Variants in PDE4D observed in about 807,000 individuals in gnomAD.
The protein encoded by PDE4D is phosphodiesterase 4D, also known as 3',5'-cyclic-AMP phosphodiesterase 4D.
A neutral mutation model predicts 87.4 loss-of-function variants in PDE4D; 24 were observed. That is an observed-to-expected ratio of 0.27 (90% CI 0.20 to 0.39). The LOEUF is 0.39. Among genes scored for constraint, PDE4D ranks in the 10% least tolerant of loss-of-function variants. PDE4D has a pLI of 1.00. For missense variants in PDE4D, 714 were observed against 1,041.0 expected, an observed-to-expected ratio of 0.69 and a Z score of 4.32; for synonymous variants, 384 against 383.2, an observed-to-expected ratio of 1.00 and a Z score of -0.02.
intron 1 of PDE4D, among the ~76,000 whole-genome samples, chr5:59,242,015 G>T (rs887564898): frequency 6.6e-6 from 1 of 151,360 alleles, no homozygotes; most frequent in Non-Finnish European, 1.5e-5. Flanking sequence ...CCAATATCTA[G>T]CATAATTCTC....
intron 12 of PDE4D, 88 bp from the exon 13 acceptor site, chr5:58,976,560 T>TA: frequency 9.5e-7 from 1 of 1,057,146 alleles, no homozygotes; most frequent in East Asian, 2.6e-5. Context: ...GAAAAAGGAA[T>TA]AAAACAACAC....
At chr5:59,440,653 C>G (rs958539331) in intron 1 of PDE4D, among the ~76,000 whole-genome samples, 2 of 152,084 alleles carry the variant, frequency 1.3e-5, no homozygotes, top group African/African-American at 4.8e-5. Flanking sequence ...GTGTATGCCT[C>G]TAATGCCAGC....
chr5:59,287,267 A>G (rs1247193217), intron 1 of PDE4D, among the ~76,000 whole-genome samples: 2 of 152,182 alleles, frequency 1.3e-5, no homozygotes, highest in East Asian at 3.9e-4. Context: ...CATCAGCAGT[A>G]GCCAGACAGT....
At chr5:59,935,074 T>C (rs756974217) in intron 3 of PDE4D, among the ~76,000 whole-genome samples, 1 of 152,106 alleles carries the variant, frequency 6.6e-6, no homozygotes, top group Admixed American at 6.6e-5. Flanking sequence ...TGAATTCTGG[T>C]TTTTGACATG....
intron 5 of PDE4D, chr5:59,091,127 T>C (rs1433237559): frequency 8.8e-6 from 4 of 453,988 alleles, no homozygotes; most frequent in Non-Finnish European, 1.8e-5. Flanking sequence ...TATAGAGCCC[T>C]GTCATTTGAA....
At chr5:59,266,727 G>A (rs1762919534) in intron 1 of PDE4D, among the ~76,000 whole-genome samples, 1 of 151,924 alleles carries the variant, frequency 6.6e-6, no homozygotes, top group Non-Finnish European at 1.5e-5. Flanking sequence ...ATTAAAAGAA[G>A]AAACTTGAAC....
intron 3 of PDE4D, among the ~76,000 whole-genome samples, chr5:59,962,509 C>T (rs541242762): frequency 8.6e-5 from 13 of 151,772 alleles, no homozygotes; most frequent in South Asian, 2.1e-4. Flanking sequence ...TGAAATCTTA[C>T]GCTCCTACAT....
chr5:59,310,765 T>C (rs950414735), intron 1 of PDE4D, among the ~76,000 whole-genome samples: 2 of 152,186 alleles, frequency 1.3e-5, no homozygotes, highest in African/African-American at 4.8e-5. Context: ...TTTAAATACT[T>C]GTTTTCCATG....
intron 1 of PDE4D, among the ~76,000 whole-genome samples, chr5:59,704,843 A>G (rs1753155811): frequency 6.6e-6 from 1 of 152,192 alleles, no homozygotes; most frequent in Non-Finnish European, 1.5e-5. Flanking sequence ...ACTTACATAC[A>G]AAATGGAAAA....
At position 59,077,582 on chromosome 5, in the gene PDE4D, A is replaced by G. The variant is rs79806266; in HGVS notation, c.809-38611T>C. Reference sequence around the variant, plus strand: ...CTCTCAGGTTCTAGGGATTCTCTGCATCAGCCCCCTGAGTAGCTGGGACTG... The same window carrying G: ...CTCTCAGGTTCTAGGGATTCTCTGCGTCAGCCCCCTGAGTAGCTGGGACTG... On this transcript the variant is annotated intron_variant, in intron 5 of 14. Transcript: ENST00000340635. Among the ~76,000 whole-genome samples the G allele has an allele frequency of 6.2e-3, 940 of 150,612 alleles. 10 individuals are homozygous for G. Among genetic ancestry groups the G allele is most frequent in the African/African-American group, 0.022 (890 of 40,992 alleles).
intron 5 of PDE4D, among the ~76,000 whole-genome samples, chr5:59,152,737 T>C (rs1045150680): frequency 2.6e-5 from 4 of 152,182 alleles, no homozygotes; most frequent in African/African-American, 9.7e-5. Flanking sequence ...CCCCTAGTGT[T>C]CTTGGTGGTG....
chr5:60,109,824 A>G (rs1399052974), intron 2 of PDE4D, among the ~76,000 whole-genome samples: 1 of 151,608 alleles, frequency 6.6e-6, no homozygotes, highest in African/African-American at 2.4e-5. Context: ...GAACACATGG[A>G]CACAGGAAGG....
intron 1 of PDE4D, among the ~76,000 whole-genome samples, chr5:59,663,509 TTTTC>T (rs757987971): frequency 8.5e-4 from 130 of 152,270 alleles, no homozygotes; most frequent in Non-Finnish European, 1.6e-3. Flanking sequence ...AATTTTAAGT[TTTTC>T]TTTATCATAT....
intron 1 of PDE4D, among the ~76,000 whole-genome samples, chr5:59,635,630 G>A (rs1397334675): frequency 6.6e-6 from 1 of 152,118 alleles, no homozygotes; most frequent in Non-Finnish European, 1.5e-5. Flanking sequence ...TGAAACCAAT[G>A]ACAAAAACCA....
chr5:59,050,564 A>C (rs1761388641), intron 5 of PDE4D, among the ~76,000 whole-genome samples: 2 of 152,212 alleles, frequency 1.3e-5, no homozygotes, highest in Admixed American at 1.3e-4. Context: ...GAATAAGATA[A>C]ATTAGTTTTA....
rs563086857 is a variant in PDE4D, at chr5:59,849,954, A to G, written c.455+43214T>C. On this transcript the variant is annotated intron_variant, in intron 1 of 14. Transcript: ENST00000340635. ...TGGGCAGTTGATATATTTACTTGGTAATATGAAGCCAATAAGCTGGTCATG... is the reference window on the plus strand; with the variant it reads ...TGGGCAGTTGATATATTTACTTGGTGATATGAAGCCAATAAGCTGGTCATG... Among the ~76,000 whole-genome samples the G allele has an allele frequency of 3.7e-4, 56 of 152,152 alleles. No homozygotes were observed. The South Asian group carries it at 0.011, about 30-fold the overall frequency.
At chr5:60,161,239 A>AAGT in intron 2 of PDE4D, among the ~76,000 whole-genome samples, 1 of 152,212 alleles carries the variant, frequency 6.6e-6, no homozygotes, top group East Asian at 1.9e-4. Flanking sequence ...TCTTCTGAAA[A>AAGT]AGTAGACTGC....
chr5:59,047,357 G>A lies in PDE4D; in HGVS notation c.809-8386C>T, dbSNP rs74469511. On this transcript the variant is annotated intron_variant, in intron 5 of 14. Transcript: ENST00000340635. ...CAGGCCATTCAGGAAGCTACAAACA[G>A]GTAGGGATATAAAGTTTAGATCAGA... Among the ~76,000 whole-genome samples, 421 of 152,270 alleles carry A rather than the reference G, an allele frequency of 2.8e-3. 3 individuals carry two copies. The East Asian group carries it at 0.044, about 16-fold the overall frequency.
At chr5:59,014,068 C>T (rs1480123900) in intron 6 of PDE4D, among the ~76,000 whole-genome samples, 1 of 152,192 alleles carries the variant, frequency 6.6e-6, no homozygotes, top group African/African-American at 2.4e-5. Flanking sequence ...TCAATAGATG[C>T]AGAAAAGGCC....
Sources: gnomAD v4.1 joint callset for allele counts (sites outside exome capture counted in the v4.1 genomes callset) on GRCh38, gnomAD v4.1.1 for gene constraint, MANE v1.5 for transcripts, NCBI Gene and HGNC (gene_info 2026-07-23, HGNC 2026-07-21) for gene names.